The following PAPPA variants were observed in gnomAD, a reference collection of about 807,000 sequenced individuals.
The protein encoded by PAPPA is pappalysin 1, also known as pappalysin-1.
PAPPA carries 60 observed loss-of-function variants against 164.0 expected under a neutral mutation model. That is an observed-to-expected ratio of 0.37 (90% CI 0.30 to 0.45). The LOEUF is 0.45. Among genes scored for constraint, PAPPA ranks in the 20% least tolerant of loss-of-function variants. PAPPA has a pLI of 1.00. For missense variants in PAPPA, 1,782 were observed against 2,087.3 expected (o/e 0.85, Z 2.85); for synonymous variants, 875 against 814.1 (o/e 1.07, Z -1.27).
intron 19 of PAPPA, among the ~76,000 whole-genome samples, chr9:116,375,669 A>T (rs1463499566): frequency 6.6e-6 from 1 of 152,220 alleles, no homozygotes; most frequent in East Asian, 1.9e-4. Flanking sequence ...CACCCAATCC[A>T]GTCTTGGGGT....
At chr9:116,256,206 G>A (rs1271967895) in intron 7 of PAPPA, among the ~76,000 whole-genome samples, 3 of 151,820 alleles carry the variant, frequency 2.0e-5, no homozygotes, top group African/African-American at 7.3e-5. Context: ...CAACCTAAGG[G>A]CTTTTTACTA....
At chr9:116,334,835 C>T in intron 12 of PAPPA, 26 bp from the exon 13 acceptor site, 1 of 1,584,870 alleles carries the variant, frequency 6.3e-7, no homozygotes, top group Non-Finnish European at 8.7e-7. Context: ...AGCCTGGCCC[C>T]TCGGCCCCTC....
intron 17 of PAPPA, among the ~76,000 whole-genome samples, chr9:116,359,498 T>C (rs1038524689): frequency 6.6e-6 from 1 of 152,240 alleles, no homozygotes; most frequent in African/African-American, 2.4e-5. Context: ...GTCAGTTCCC[T>C]GACAACACCT....
intron 10 of PAPPA, among the ~76,000 whole-genome samples, chr9:116,307,381 C>T (rs1845660028): frequency 6.6e-6 from 1 of 152,080 alleles, no homozygotes; most frequent in South Asian, 2.1e-4. Context: ...GGGCGGATCA[C>T]CTGAGGTCAG....
intron 4 of PAPPA, among the ~76,000 whole-genome samples, chr9:116,217,496 G>C (rs1844388959): frequency 6.6e-6 from 1 of 152,084 alleles, no homozygotes; most frequent in African/African-American, 2.4e-5. Flanking sequence ...AAACATCTTT[G>C]TATGTCTATT....
intron 10 of PAPPA, among the ~76,000 whole-genome samples, chr9:116,309,730 T>C (rs150813334): frequency 6.6e-6 from 1 of 152,030 alleles, no homozygotes; most frequent in East Asian, 1.9e-4. Flanking sequence ...TCAAGAGAGA[T>C]GAGCTAGGAA....
intron 19 of PAPPA, among the ~76,000 whole-genome samples, chr9:116,372,239 T>C (rs1439139271): frequency 6.6e-6 from 1 of 152,158 alleles, no homozygotes; most frequent in South Asian, 2.1e-4. Context: ...TGGCAAACTA[T>C]GGAAAACACA....
chr9:116,372,928 A>G (rs990524840), intron 19 of PAPPA, among the ~76,000 whole-genome samples: 5 of 152,244 alleles, frequency 3.3e-5, no homozygotes, highest in African/African-American at 1.2e-4. Context: ...CCCAATTCAC[A>G]TAACGACTGT....
Position 116,395,161 on chromosome 9 carries a change from G to T in PAPPA, c.4777-1348G>T, listed in dbSNP as rs116914074. On this transcript the variant is annotated intron_variant, in intron 21 of 21. Transcript: ENST00000328252. ...ATGAATGAGTTCATTGAGACTCAGA[G>T]AAATTGTCACATGTTCAAGGTCACA... Among the ~76,000 whole-genome samples, 728 of 152,276 alleles carry T rather than the reference G, an allele frequency of 4.8e-3. 8 individuals carry two copies. The highest frequency in any genetic ancestry group is 0.017 in the Admixed American group (267 of 15,296).
intron 1 of PAPPA, among the ~76,000 whole-genome samples, chr9:116,162,979 T>TA (rs146731848): frequency 0.056 from 8,463 of 152,132 alleles, 323 homozygotes; most frequent in Middle Eastern, 0.088. Context: ...ATGCTCATTG[T>TA]AAAAAAAATC....
intron 21 of PAPPA, among the ~76,000 whole-genome samples, chr9:116,394,667 A>C (rs1846938735): frequency 6.6e-6 from 1 of 152,228 alleles, no homozygotes; most frequent in Non-Finnish European, 1.5e-5. Flanking sequence ...AATATCCTAG[A>C]TGTATTCCAC....
chr9:116,189,652 A>C (rs2118634791), intron 2 of PAPPA, among the ~76,000 whole-genome samples: 1 of 152,312 alleles, frequency 6.6e-6, no homozygotes, highest in South Asian at 2.1e-4. Context: ...GAGGAACTAG[A>C]TTCAAGCTGG....
chr9:116,216,949 T>TC (rs1291145407), intron 4 of PAPPA, among the ~76,000 whole-genome samples: 1 of 151,862 alleles, frequency 6.6e-6, no homozygotes, highest in Non-Finnish European at 1.5e-5. Flanking sequence ...ACCATGTTGG[T>TC]CAGGGTGGTC....
chr9:116,214,256 C>T (rs1222520291), intron 4 of PAPPA, among the ~76,000 whole-genome samples: 1 of 151,956 alleles, frequency 6.6e-6, no homozygotes, highest in African/African-American at 2.4e-5. Flanking sequence ...TGGTGGCTAC[C>T]ATATTGGTTA....
intron 13 of PAPPA, 143 bp downstream of exon 13, chr9:116,335,217 G>A: frequency 2.9e-6 from 2 of 689,904 alleles, no homozygotes; most frequent in Non-Finnish European, 4.9e-6. Context: ...CCTCTGGCCG[G>A]CTCTGCCTTG....
rs191221336 is a variant in PAPPA, at chr9:116,252,437, T to G, written c.2733-13420T>G. On this transcript the variant is annotated intron_variant, in intron 7 of 21. Transcript: ENST00000328252. ...GGCAAAAGGCCATTTTCCCAAAGAT[T>G]TTTTCTTGGCACTGAGTCCTCAGCA... 2.1e-3 allele frequency among the ~76,000 whole-genome samples: 322 copies of G among 152,182 alleles called. 2 individuals carry two copies. Among genetic ancestry groups the G allele is most frequent in the African/African-American group, 6.6e-3 (273 of 41,528 alleles).
At chr9:116,349,907 C>T (rs561904524) in intron 15 of PAPPA, among the ~76,000 whole-genome samples, 12 of 152,248 alleles carry the variant, frequency 7.9e-5, no homozygotes, top group African/African-American at 1.9e-4. Flanking sequence ...CCAGGAAATA[C>T]GGTGGGGGAA....
intron 1 of PAPPA, among the ~76,000 whole-genome samples, chr9:116,164,553 C>G (rs1169975867): frequency 6.6e-6 from 1 of 152,168 alleles, no homozygotes; most frequent in African/African-American, 2.4e-5. Flanking sequence ...TGAGTAGGGG[C>G]AGCGTACCAC....
chr9:116,262,240 C>A (rs992585441), intron 7 of PAPPA, among the ~76,000 whole-genome samples: 1 of 151,574 alleles, frequency 6.6e-6, no homozygotes, highest in Non-Finnish European at 1.5e-5. Context: ...CACAGAACAA[C>A]CCTTCAAAAT....
Sources: allele counts gnomAD v4.1 joint callset (sites outside exome capture counted in the v4.1 genomes callset), GRCh38; gene constraint gnomAD v4.1.1; transcripts MANE v1.5; gene names NCBI Gene and HGNC (gene_info 2026-07-23, HGNC 2026-07-21).